Variants in CCSER1 observed in about 807,000 individuals in gnomAD.
The protein encoded by CCSER1 is coiled-coil serine rich protein 1.
Under a neutral mutation model 82.0 loss-of-function variants are expected in CCSER1, and 41 were observed. The ratio of observed to expected loss-of-function variants is 0.50; its 90% confidence interval spans 0.39 to 0.65. The LOEUF is 0.65. CCSER1 is among the 30% of genes least tolerant of loss of function. The probability of loss-of-function intolerance (pLI) is 0.00; values close to 1 mark genes in which losing one functional copy is unlikely to be tolerated. For missense variants in CCSER1, 1,119 were observed against 1,064.2 expected, an observed-to-expected ratio of 1.05 and a Z score of -0.72; for synonymous variants, 414 against 383.9, an observed-to-expected ratio of 1.08 and a Z score of -0.92.
At chr4:90,888,166 ATAACT>A (rs1722430396) in intron 8 of CCSER1, among the ~76,000 whole-genome samples, 2 of 152,222 alleles carry the variant, frequency 1.3e-5, no homozygotes, top group African/African-American at 2.4e-5. Context: ...TATCTTGAAA[ATAACT>A]TAATGCTACT....
intron 10 of CCSER1, among the ~76,000 whole-genome samples, chr4:91,176,903 T>C (rs1300369491): frequency 1.3e-5 from 2 of 152,198 alleles, no homozygotes; most frequent in Admixed American, 6.5e-5. Flanking sequence ...GTGCCAGTTT[T>C]CAAAGGGAAT....
intron 9 of CCSER1, among the ~76,000 whole-genome samples, chr4:90,957,582 TA>T (rs1561418147): frequency 1.5e-5 from 2 of 133,312 alleles, no homozygotes; most frequent in African/African-American, 5.7e-5. Context: ...TATTATATAA[TA>T]TATTATTATT....
intron 10 of CCSER1, among the ~76,000 whole-genome samples, chr4:91,163,314 G>T (rs1332137447): frequency 1.3e-5 from 2 of 152,188 alleles, no homozygotes; most frequent in African/African-American, 4.8e-5. Context: ...TGTGATGTCT[G>T]TTCTTTTACA....
intron 5 of CCSER1, among the ~76,000 whole-genome samples, chr4:90,490,923 A>C (rs1315485867): frequency 6.6e-6 from 1 of 152,144 alleles, no homozygotes; most frequent in Non-Finnish European, 1.5e-5. Flanking sequence ...TGGTTACTAT[A>C]GCCTTGTAGT....
intron 1 of CCSER1, among the ~76,000 whole-genome samples, chr4:90,229,081 G>T (rs1051372209): frequency 6.6e-6 from 1 of 152,216 alleles, no homozygotes; most frequent in African/African-American, 2.4e-5. Flanking sequence ...CCCCAATCTA[G>T]CAAGGCAGGC....
At chr4:91,023,090 A>C (rs1240448667) in intron 9 of CCSER1, among the ~76,000 whole-genome samples, 2 of 152,182 alleles carry the variant, frequency 1.3e-5, no homozygotes, top group African/African-American at 2.4e-5. Context: ...CTAGGAATCC[A>C]ACTTACAAGG....
At chr4:90,930,901 A>T (rs923956379) in intron 9 of CCSER1, among the ~76,000 whole-genome samples, 34 of 116,816 alleles carry the variant, frequency 2.9e-4, no homozygotes, top group African/African-American at 9.9e-4. Context: ...AAGGAAATTT[A>T]TCCTTATTTT....
At chr4:90,346,919 T>A (rs1371136434) in intron 3 of CCSER1, among the ~76,000 whole-genome samples, 1 of 152,136 alleles carries the variant, frequency 6.6e-6, no homozygotes, top group Non-Finnish European at 1.5e-5. Flanking sequence ...GTAGACAACA[T>A]ATTTACTTTC....
chr4:91,290,980 A>C (rs893733545), intron 10 of CCSER1, among the ~76,000 whole-genome samples: 4 of 151,762 alleles, frequency 2.6e-5, no homozygotes, highest in African/African-American at 9.7e-5. Flanking sequence ...ACCATTTTTA[A>C]TAATTAGGAA....
intron 10 of CCSER1, among the ~76,000 whole-genome samples, chr4:91,145,617 C>G (rs1472397046): frequency 6.6e-6 from 1 of 152,052 alleles, no homozygotes; most frequent in Non-Finnish European, 1.5e-5. Flanking sequence ...CTTTAAATCT[C>G]TCTTCGGCGT....
intron 7 of CCSER1, among the ~76,000 whole-genome samples, chr4:90,777,839 T>G (rs1049536343): frequency 2.6e-5 from 4 of 152,112 alleles, no homozygotes; most frequent in Non-Finnish European, 5.9e-5. Flanking sequence ...TCTGGGAGAT[T>G]AGGTAAAATG....
At chr4:91,396,771 C>T (rs1752005308) in intron 10 of CCSER1, among the ~76,000 whole-genome samples, 1 of 151,934 alleles carries the variant, frequency 6.6e-6, no homozygotes, top group Non-Finnish European at 1.5e-5. Context: ...CCTTTGATAC[C>T]TAACCATTAA....
intron 10 of CCSER1, among the ~76,000 whole-genome samples, chr4:91,236,994 AC>A (rs1739059589): frequency 6.6e-6 from 1 of 152,190 alleles, no homozygotes; most frequent in Non-Finnish European, 1.5e-5. Flanking sequence ...AAGATTTTTA[AC>A]TTTATTCTGG....
At chr4:90,701,899 T>C (rs2149279925) in intron 6 of CCSER1, among the ~76,000 whole-genome samples, 1 of 152,332 alleles carries the variant, frequency 6.6e-6, no homozygotes, top group Middle Eastern at 3.4e-3. Flanking sequence ...TTTCTAAATA[T>C]ACAATCATGT....
intron 5 of CCSER1, among the ~76,000 whole-genome samples, chr4:90,601,482 TA>T (rs1345662875): frequency 1.3e-5 from 2 of 152,156 alleles, no homozygotes; most frequent in Non-Finnish European, 2.9e-5. Context: ...TCAATTTGAT[TA>T]ATCCTCTCTG....
intron 3 of CCSER1, among the ~76,000 whole-genome samples, chr4:90,328,252 T>C (rs924023781): frequency 6.6e-6 from 1 of 152,128 alleles, no homozygotes; most frequent in African/African-American, 2.4e-5. Context: ...ATAGGGAGAA[T>C]AGCCAAAACT....
At chr4:91,181,166 G>A (rs1413304973) in intron 10 of CCSER1, among the ~76,000 whole-genome samples, 1 of 152,036 alleles carries the variant, frequency 6.6e-6, no homozygotes, top group African/African-American at 2.4e-5. Flanking sequence ...CCAGTTTATG[G>A]CCAGATTTTG....
intron 9 of CCSER1, among the ~76,000 whole-genome samples, chr4:91,008,265 G>A (rs989591532): frequency 2.6e-5 from 4 of 152,034 alleles, no homozygotes; most frequent in Non-Finnish European, 2.9e-5. Context: ...TTTATTTCCA[G>A]TATTTTAAAA....
At chr4:90,502,771 T>G (rs1217102364) in intron 5 of CCSER1, among the ~76,000 whole-genome samples, 1 of 152,210 alleles carries the variant, frequency 6.6e-6, no homozygotes, top group African/African-American at 2.4e-5. Context: ...TAAGCTGACT[T>G]TTAAACACAG....
Sources: gnomAD v4.1 joint callset for allele counts (sites outside exome capture counted in the v4.1 genomes callset) on GRCh38, gnomAD v4.1.1 for gene constraint, MANE v1.5 for transcripts, NCBI Gene and HGNC (gene_info 2026-07-23, HGNC 2026-07-21) for gene names.